XKRX: variants seen among roughly 807,000 people sequenced by gnomAD.
XKRX encodes the protein XK-related protein 2.
A neutral mutation model predicts 22.4 loss-of-function variants in XKRX; 11 were observed. The observed-to-expected ratio is 0.49, with a 90% confidence interval of 0.31 to 0.81. The LOEUF (loss-of-function observed/expected upper bound fraction) is 0.81. XKRX is among the 40% of genes least tolerant of loss of function. The pLI is 0.05. For synonymous variants in XKRX, 114 were observed against 132.2 expected, an observed-to-expected ratio of 0.86 and a Z score of 0.94; for missense variants, 320 against 336.5, an observed-to-expected ratio of 0.95 and a Z score of 0.38.
At chrX:100,920,803 A>G (rs2085468378) in intron 2 of XKRX, among the ~76,000 whole-genome samples, 1 of 111,758 alleles carries the variant, frequency 8.9e-6, no homozygotes, top group Non-Finnish European at 1.9e-5. Context: ...TCTGTCGCCC[A>G]GGCTGGGGTG....
the XKRX span, among the ~76,000 whole-genome samples, chrX:100,905,762 C>T: frequency 9.0e-6 from 1 of 111,525 alleles, no homozygotes; most frequent in African/African-American, 3.3e-5. Flanking sequence ...AGGAGGAAAC[C>T]AGTAAGGTGG....
chrX:100,942,130 G>A, the XKRX span, among the ~76,000 whole-genome samples: 1 of 111,777 alleles, frequency 8.9e-6, no homozygotes, highest in African/African-American at 3.3e-5. Flanking sequence ...TTACAGGCAT[G>A]AGCCACTGCG....
At chrX:100,943,911 C>G in the XKRX span, among the ~76,000 whole-genome samples, 8 of 111,698 alleles carry the variant, frequency 7.2e-5, no homozygotes, top group Admixed American at 1.9e-4. Flanking sequence ...TACGTGTATC[C>G]TTATGTACAT....
At chrX:100,916,774 A>G (rs376675411) in intron 2 of XKRX, among the ~76,000 whole-genome samples, 6 of 112,479 alleles carry the variant, frequency 5.3e-5, no homozygotes, top group African/African-American at 1.9e-4. Context: ...CAGGTGCTCA[A>G]TAAATGTTTG....
At chrX:100,888,228 T>G in the XKRX span, 3 of 905,386 alleles carry the variant, frequency 3.3e-6, no homozygotes, top group Non-Finnish European at 4.8e-6. Context: ...AAATAATCTC[T>G]TAGCTGATGT....
chrX:100,921,824 C>CTTT (rs769704465), intron 2 of XKRX, among the ~76,000 whole-genome samples: 13 of 56,360 alleles, frequency 2.3e-4, no homozygotes, highest in Admixed American at 3.8e-4. Flanking sequence ...TAACCCCACG[C>CTTT]TTTTTTTTTT....
the XKRX span, among the ~76,000 whole-genome samples, chrX:100,949,364 GT>G: frequency 1.4e-3 from 22 of 15,977 alleles, no homozygotes; most frequent in Non-Finnish European, 2.6e-3. Context: ...GTTTTTGGTT[GT>G]TTTTTTTTTT....
chrX:100,923,309 G>A (rs1236584280), intron 1 of XKRX, among the ~76,000 whole-genome samples: 1 of 111,688 alleles, frequency 9.0e-6, no homozygotes, highest in East Asian at 2.8e-4. Flanking sequence ...ATGCCACCAT[G>A]CCAGCTATTT....
intron 2 of XKRX, among the ~76,000 whole-genome samples, chrX:100,916,542 A>C (rs997472253): frequency 8.9e-6 from 1 of 112,301 alleles, no homozygotes; most frequent in Non-Finnish European, 1.9e-5. Context: ...ACTCTATCTG[A>C]AAAAATCCAG....
At chrX:100,956,915 C>G in the XKRX span, 2 of 923,412 alleles carry the variant, frequency 2.2e-6, no homozygotes, top group South Asian at 4.0e-5. Flanking sequence ...CACAATTACA[C>G]TGTGGTCCAT....
At chrX:100,959,015 G>A in the XKRX span, among the ~76,000 whole-genome samples, 2 of 111,024 alleles carry the variant, frequency 1.8e-5, no homozygotes, top group East Asian at 5.6e-4. Context: ...TAGTGTTTAG[G>A]GATTTTTTTA....
At chrX:100,945,289 C>CACACACACACACACAT in the XKRX span, among the ~76,000 whole-genome samples, 21 of 98,546 alleles carry the variant, frequency 2.1e-4, no homozygotes, top group East Asian at 2.3e-3. Flanking sequence ...CACACACACA[C>CACACACACACACACAT]AGTTTATTTT....
intron 1 of XKRX, among the ~76,000 whole-genome samples, chrX:100,926,872 A>G (rs1414693321): frequency 8.9e-6 from 1 of 112,135 alleles, no homozygotes; most frequent in Non-Finnish European, 1.9e-5. Context: ...TATTGCAGAA[A>G]TATACAAAGA....
chrX:100,954,193 C>T, the XKRX span, among the ~76,000 whole-genome samples: 2 of 111,001 alleles, frequency 1.8e-5, no homozygotes, highest in African/African-American at 6.6e-5. Flanking sequence ...CCAAGGTGGG[C>T]GGATCATCTG....
the XKRX span, among the ~76,000 whole-genome samples, chrX:100,900,958 T>C: frequency 1.8e-5 from 2 of 108,875 alleles, no homozygotes; most frequent in Admixed American, 9.9e-5. Context: ...CCTGGCTAAT[T>C]TTTTTGTATT....
At chrX:100,951,012 C>T in the XKRX span, among the ~76,000 whole-genome samples, 1 of 109,919 alleles carries the variant, frequency 9.1e-6, no homozygotes, top group East Asian at 2.9e-4. Flanking sequence ...GCAGGCGGAT[C>T]ACCTGAAGTC....
At chrX:100,901,112 C>T in the XKRX span, among the ~76,000 whole-genome samples, 1 of 111,242 alleles carries the variant, frequency 9.0e-6, no homozygotes, top group Middle Eastern at 4.2e-3. Context: ...TTTTAACGAG[C>T]TCCTTAAGTA....
intron 1 of XKRX, among the ~76,000 whole-genome samples, 169 bp from the exon 2 acceptor site, chrX:100,923,230 C>A (rs1275280576): frequency 3.6e-5 from 4 of 112,155 alleles, no homozygotes; most frequent in East Asian, 5.6e-4. Context: ...TAATTCATTG[C>A]AGCTTTGACC....
chrX:100,956,342 A>G, the XKRX span, among the ~76,000 whole-genome samples: 3 of 111,961 alleles, frequency 2.7e-5, no homozygotes, highest in Middle Eastern at 4.2e-3. Context: ...TCCTGCATGT[A>G]TACCTCTGTA....
Sources: gnomAD v4.1 joint callset for allele counts (sites outside exome capture counted in the v4.1 genomes callset) on GRCh38, gnomAD v4.1.1 for gene constraint, MANE v1.5 for transcripts, NCBI Gene and HGNC (gene_info 2026-07-23, HGNC 2026-07-21) for gene names.